Variants in LRRC7 observed in about 807,000 individuals in gnomAD.
LRRC7 encodes the protein leucine rich repeat containing 7, also known as leucine-rich repeat-containing protein 7.
A neutral mutation model predicts 175.7 loss-of-function variants in LRRC7; 23 were observed. The observed-to-expected ratio is 0.13, with a 90% CI of 0.09 to 0.19. The LOEUF (loss-of-function observed/expected upper bound fraction) is 0.19. LRRC7 is among the 10% of genes least tolerant of loss of function. The pLI is 1.00. For missense variants in LRRC7, 1,354 were observed against 1,904.7 expected, an observed-to-expected ratio of 0.71 and a Z score of 5.38; for synonymous variants, 685 against 680.9, an observed-to-expected ratio of 1.01 and a Z score of -0.09.
At chr1:69,600,796 G>GTTCTTTTTTTTTTTTTT (rs1557463083) in intron 1 of LRRC7, among the ~76,000 whole-genome samples, 1 of 26,360 alleles carries the variant, frequency 3.8e-5, no homozygotes, top group Non-Finnish European at 6.3e-5. Context: ...AGGATCTCTG[G>GTTCTTTTTTTTTTTTTT]TTTCTTTTTT....
At chr1:69,849,382 A>G (rs534799563) in intron 7 of LRRC7, among the ~76,000 whole-genome samples, 2 of 152,144 alleles carry the variant, frequency 1.3e-5, no homozygotes, top group East Asian at 3.9e-4. Context: ...TCTGGATTAT[A>G]CTGAAATACA....
At chr1:69,865,251 A>G (rs1478692170) in intron 7 of LRRC7, among the ~76,000 whole-genome samples, 2 of 152,040 alleles carry the variant, frequency 1.3e-5, no homozygotes, top group Non-Finnish European at 2.9e-5. Flanking sequence ...GGTCAATACG[A>G]CATCTGCACA....
intron 4 of LRRC7, among the ~76,000 whole-genome samples, chr1:69,802,240 G>A (rs1352157222): frequency 6.6e-6 from 1 of 151,344 alleles, no homozygotes; most frequent in Non-Finnish European, 1.5e-5. Context: ...GGCCCATTTG[G>A]TCTAAAGTCC....
chr1:70,049,354 T>C (rs942371011), intron 22 of LRRC7, among the ~76,000 whole-genome samples: 5 of 152,144 alleles, frequency 3.3e-5, no homozygotes, highest in African/African-American at 1.2e-4. Flanking sequence ...CAGTATCAGA[T>C]AGTACCAACA....
chr1:70,013,060 A>G lies in LRRC7; in HGVS notation c.1221A>G (p.Lys407=). Residue 407 remains lysine (K), a synonymous_variant, in exon 13 of 27, where the codon AAA becomes AAG. Transcript: ENST00000651989. ...CTGAAGAGATTGGACAGATGCAGAA[A>G]CTAAGAGTCCTAAATTTGAGTGACA... ...FLPEEIGQMQ[K]LRVLNLSDNR... 4 of 1,585,796 alleles carry G rather than the reference A, an allele frequency of 2.5e-6. No individual in the cohort carries two copies. The highest frequency in any genetic ancestry group is 3.4e-6 in the Non-Finnish European group (4 of 1,164,182).
intron 1 of LRRC7, among the ~76,000 whole-genome samples, chr1:69,652,475 C>A (rs1201768346): frequency 6.6e-6 from 1 of 151,830 alleles, no homozygotes; most frequent in Non-Finnish European, 1.5e-5. Flanking sequence ...TGAAGAGGAC[C>A]TAAATAAATG....
intron 1 of LRRC7, among the ~76,000 whole-genome samples, chr1:69,574,011 G>A (rs1387243562): frequency 6.6e-6 from 1 of 152,082 alleles, no homozygotes; most frequent in African/African-American, 2.4e-5. Flanking sequence ...CAGTAAGGTT[G>A]AAAGCATACT....
At chr1:69,651,899 C>A (rs988759840) in intron 1 of LRRC7, among the ~76,000 whole-genome samples, 3 of 151,964 alleles carry the variant, frequency 2.0e-5, no homozygotes, top group Admixed American at 1.3e-4. Context: ...TTCCTGGAGG[C>A]CCACTGAGAA....
chr1:69,572,416 A>C (rs540431667), intron 1 of LRRC7, among the ~76,000 whole-genome samples: 80 of 152,178 alleles, frequency 5.3e-4, no homozygotes, highest in Middle Eastern at 3.2e-3. Context: ...AGATTCATAG[A>C]CAGGCTTCAC....
In LRRC7 at chr1:69,859,471, A is replaced by G. The variant is rs563903185; in HGVS notation, c.647+21188A>G. Among the ~76,000 whole-genome samples, 207 of 152,240 alleles carry G rather than the reference A, an allele frequency of 1.4e-3. 1 individual carries two copies. Among genetic ancestry groups the G allele is most frequent in the Admixed American group, 6.4e-3 (97 of 15,262 alleles). ...TTATGATCCCAAAATCCAATATGCC[A>G]TTGACAGAGAGCTAATTTGAATATT... On this transcript the variant is annotated intron_variant, in intron 7 of 26. Coordinates refer to ENST00000651989, the MANE Select transcript of LRRC7 (RefSeq NM_001370785.2).
At chr1:69,653,404 A>G (rs376673347) in intron 1 of LRRC7, among the ~76,000 whole-genome samples, 1 of 152,128 alleles carries the variant, frequency 6.6e-6, no homozygotes, top group East Asian at 1.9e-4. Context: ...GGGGAAATGC[A>G]ACTCAAAACC....
chr1:69,808,417 A>C (rs1331051481), intron 4 of LRRC7, among the ~76,000 whole-genome samples: 1 of 152,030 alleles, frequency 6.6e-6, no homozygotes, highest in Non-Finnish European at 1.5e-5. Context: ...CGCACCTAAC[A>C]GACATCTACA....
chr1:70,025,471 A>G (rs1657991024), intron 17 of LRRC7, among the ~76,000 whole-genome samples: 2 of 152,040 alleles, frequency 1.3e-5, no homozygotes, highest in African/African-American at 4.8e-5. Flanking sequence ...AGTAGAGTCA[A>G]GATCACCAAA....
intron 1 of LRRC7, among the ~76,000 whole-genome samples, chr1:69,641,563 T>C (rs955904512): frequency 6.6e-6 from 1 of 151,650 alleles, no homozygotes; most frequent in Middle Eastern, 3.2e-3. Context: ...TTATAATTTG[T>C]ATGCATATTT....
At chr1:69,953,262 T>G (rs1650137046) in intron 8 of LRRC7, among the ~76,000 whole-genome samples, 1 of 152,080 alleles carries the variant, frequency 6.6e-6, no homozygotes, top group Admixed American at 6.6e-5. Context: ...TTCTGGAATA[T>G]TCTTGCTTTT....
At chr1:69,744,990 T>C (rs1236416495) in intron 2 of LRRC7, among the ~76,000 whole-genome samples, 1 of 151,854 alleles carries the variant, frequency 6.6e-6, no homozygotes, top group Non-Finnish European at 1.5e-5. Context: ...TCAAAAACCA[T>C]GGCCAGTAGT....
At chr1:69,746,917 T>C (rs1045875307) in intron 2 of LRRC7, among the ~76,000 whole-genome samples, 16 of 152,166 alleles carry the variant, frequency 1.1e-4, no homozygotes, top group Non-Finnish European at 2.4e-4. Context: ...CAAATCACTG[T>C]TGGCTACTTT....
At chr1:69,641,324 T>C (rs914074753) in intron 1 of LRRC7, among the ~76,000 whole-genome samples, 5 of 151,708 alleles carry the variant, frequency 3.3e-5, no homozygotes, top group African/African-American at 1.2e-4. Flanking sequence ...ACATGGGCAG[T>C]ACTTTAAGTT....
At chr1:69,727,140 T>C (rs1667066201) in intron 2 of LRRC7, among the ~76,000 whole-genome samples, 1 of 152,164 alleles carries the variant, frequency 6.6e-6, no homozygotes, top group Admixed American at 6.5e-5. Context: ...GCCTCAGTCA[T>C]TGGAGGGATG....
Sources: allele counts gnomAD v4.1 joint callset (sites outside exome capture counted in the v4.1 genomes callset), GRCh38; gene constraint gnomAD v4.1.1; transcripts MANE v1.5; gene names NCBI Gene and HGNC (gene_info 2026-07-23, HGNC 2026-07-21).